LRMDA: variants seen among roughly 807,000 people sequenced by gnomAD.
LRMDA encodes leucine rich melanocyte differentiation associated, also known as leucine-rich melanocyte differentiation-associated protein.
A neutral mutation model predicts 29.8 loss-of-function variants in LRMDA; 18 were observed. The ratio of observed to expected loss-of-function variants is 0.60; its 90% confidence interval spans 0.42 to 0.90. The LOEUF is 0.90. LRMDA is among the 40% of genes least tolerant of loss of function. The pLI is 0.00. For synonymous variants in LRMDA, 125 were observed against 109.4 expected (o/e 1.14, Z -0.89); for missense variants, 273 against 273.9 (o/e 1.00, Z 0.02).
intron 5 of LRMDA, among the ~76,000 whole-genome samples, chr10:76,075,623 G>A (rs181531105): frequency 8.5e-4 from 129 of 152,328 alleles, no homozygotes; most frequent in African/African-American, 3.1e-3. Flanking sequence ...CTTGTGTTTT[G>A]GCCCCACTGC....
chr10:75,502,063 C>G (rs1467674854), intron 2 of LRMDA, among the ~76,000 whole-genome samples: 1 of 152,198 alleles, frequency 6.6e-6, no homozygotes, highest in Non-Finnish European at 1.5e-5. Flanking sequence ...CTGTGTTCCT[C>G]TTGTGGCTCT....
At chr10:75,619,794 C>G (rs921543404) in intron 2 of LRMDA, among the ~76,000 whole-genome samples, 2 of 152,152 alleles carry the variant, frequency 1.3e-5, no homozygotes, top group Non-Finnish European at 2.9e-5. Context: ...AAACTGTACT[C>G]TGGTCATAGC....
chr10:75,872,072 C>T (rs781257888), intron 2 of LRMDA, among the ~76,000 whole-genome samples: 4 of 152,156 alleles, frequency 2.6e-5, no homozygotes, highest in Non-Finnish European at 4.4e-5. Context: ...CCATCTCTAC[C>T]ACTGTACGGT....
chr10:75,753,726 A>G (rs1842993577), intron 2 of LRMDA, among the ~76,000 whole-genome samples: 1 of 152,168 alleles, frequency 6.6e-6, no homozygotes, highest in Non-Finnish European at 1.5e-5. Context: ...AAGGAACTGG[A>G]TAATAGAATC....
intron 2 of LRMDA, among the ~76,000 whole-genome samples, chr10:75,974,853 C>G (rs1397161915): frequency 2.6e-5 from 4 of 152,102 alleles, no homozygotes; most frequent in Non-Finnish European, 5.9e-5. Context: ...ATAATAATTG[C>G]AGTATTATTA....
At chr10:76,103,822 G>A (rs966315408) in intron 5 of LRMDA, among the ~76,000 whole-genome samples, 5 of 152,080 alleles carry the variant, frequency 3.3e-5, no homozygotes, top group South Asian at 2.1e-4. Flanking sequence ...AGGCTGAGGC[G>A]GGTGGATCAC....
intron 2 of LRMDA, among the ~76,000 whole-genome samples, chr10:75,633,629 A>G (rs1841355327): frequency 1.3e-5 from 2 of 152,208 alleles, no homozygotes. Context: ...TTGTCATTCT[A>G]ATATCTTTCT....
intron 5 of LRMDA, among the ~76,000 whole-genome samples, chr10:76,221,040 A>C (rs1285134380): frequency 6.6e-6 from 1 of 152,214 alleles, no homozygotes; most frequent in Non-Finnish European, 1.5e-5. Flanking sequence ...ATCTCAATAG[A>C]TGCAGAAAAG....
At chr10:75,913,116 T>C (rs557210806) in intron 2 of LRMDA, among the ~76,000 whole-genome samples, 1 of 152,294 alleles carries the variant, frequency 6.6e-6, no homozygotes, top group South Asian at 2.1e-4. Context: ...GTTTTTTTTC[T>C]TAATGATTAG....
At chr10:75,745,424 TAGTC>T (rs1429481494) in intron 2 of LRMDA, among the ~76,000 whole-genome samples, 16 of 151,964 alleles carry the variant, frequency 1.1e-4, no homozygotes, top group Non-Finnish European at 1.8e-4. Context: ...CCTCTAGACT[TAGTC>T]ATTCTACATT....
In LRMDA at chr10:76,261,324, G is replaced by A. The variant is rs192686790; in HGVS notation, c.517-63077G>A. 2.1e-3 allele frequency among the ~76,000 whole-genome samples: 319 copies of A among 151,524 alleles called. 1 individual carries two copies. Among genetic ancestry groups the A allele is most frequent in the African/African-American group, 7.4e-3 (306 of 41,306 alleles). ...CCTGACCTCGTGATCTGCCTGCCTC[G>A]GCCTCCCAAAGTGCTGGGATTACAG... On this transcript the variant is annotated intron_variant, in intron 5 of 6. Transcript: ENST00000611255.
chr10:76,092,189 C>G (rs568286140), intron 5 of LRMDA, among the ~76,000 whole-genome samples: 25 of 152,294 alleles, frequency 1.6e-4, no homozygotes, highest in African/African-American at 5.3e-4. Context: ...AATGATTTCC[C>G]CTAGTTAATG....
intron 2 of LRMDA, among the ~76,000 whole-genome samples, chr10:75,624,960 T>C (rs577065529): frequency 6.6e-6 from 1 of 152,332 alleles, no homozygotes; most frequent in African/African-American, 2.4e-5. Context: ...AAATTGGTTA[T>C]GTAAAGAGTC....
chr10:75,697,881 A>G (rs1052034944), intron 2 of LRMDA, among the ~76,000 whole-genome samples: 5 of 128,616 alleles, frequency 3.9e-5, no homozygotes, highest in African/African-American at 1.6e-4. Context: ...TTCGCGCTCT[A>G]GAACTGGCTT....
chr10:76,391,157 G>A (rs1409178626), intron 6 of LRMDA, among the ~76,000 whole-genome samples: 18 of 152,174 alleles, frequency 1.2e-4, no homozygotes, highest in Admixed American at 1.2e-3. Context: ...GCAGAATGTA[G>A]TCACATTCCC....
At position 75,728,935 on chromosome 10, in the gene LRMDA, C is replaced by A. The variant is rs148662346; in HGVS notation, c.131+290441C>A. ...GAGCCCCTCTCATCGTGTCTCAGTC[C>A]TGCCCACCTTCTCTCCTCTGTGCCT... On this transcript the variant is annotated intron_variant, in intron 2 of 6. Coordinates refer to ENST00000611255, the MANE Select transcript of LRMDA (RefSeq NM_001305581.2). Among the ~76,000 whole-genome samples, 7 of 152,258 alleles carry A rather than the reference C, an allele frequency of 4.6e-5. No individual in the cohort carries two copies. In the South Asian group the frequency reaches 1.0e-3, roughly 23 times the overall value.
intron 5 of LRMDA, among the ~76,000 whole-genome samples, chr10:76,191,096 C>T (rs1851236882): frequency 6.6e-6 from 1 of 152,122 alleles, no homozygotes; most frequent in Non-Finnish European, 1.5e-5. Context: ...TTGAAGACTG[C>T]TGTTGTGACT....
intron 6 of LRMDA, among the ~76,000 whole-genome samples, chr10:76,384,806 A>G (rs1361078831): frequency 6.6e-6 from 1 of 152,206 alleles, no homozygotes; most frequent in Non-Finnish European, 1.5e-5. Context: ...ACTCAATTCT[A>G]TCTTCTTTGA....
intron 2 of LRMDA, among the ~76,000 whole-genome samples, chr10:75,797,929 T>C (rs2132258182): frequency 6.6e-6 from 1 of 152,332 alleles, no homozygotes; most frequent in East Asian, 1.9e-4. Context: ...CTTACATTTA[T>C]GCCATCAGTA....
Sources: allele counts gnomAD v4.1 joint callset (sites outside exome capture counted in the v4.1 genomes callset), GRCh38; gene constraint gnomAD v4.1.1; transcripts MANE v1.5; gene names NCBI Gene and HGNC (gene_info 2026-07-23, HGNC 2026-07-21).